The following GLT8D2 variants were observed in gnomAD, a reference collection of about 807,000 sequenced individuals.
The protein encoded by GLT8D2 is glycosyltransferase 8 domain-containing protein 2.
In GLT8D2, 45 loss-of-function variants were observed where a neutral mutation model predicts 44.5. That is an observed-to-expected ratio of 1.01 (90% CI 0.80 to 1.30). GLT8D2 has a LOEUF of 1.30. Among genes scored for constraint, GLT8D2 ranks in the 50% most tolerant of loss-of-function variants. The pLI, the probability that GLT8D2 is intolerant of heterozygous loss-of-function variation, is 0.00. For missense variants in GLT8D2, 400 were observed against 430.4 expected, an observed-to-expected ratio of 0.93 and a Z score of 0.62; for synonymous variants, 156 against 157.2, an observed-to-expected ratio of 0.99 and a Z score of 0.06.
chr12:104,022,816 T>G (rs1878087195), intron 1 of GLT8D2, among the ~76,000 whole-genome samples: 1 of 151,982 alleles, frequency 6.6e-6, no homozygotes, highest in African/African-American at 2.4e-5. Context: ...TGCATTATAT[T>G]TTGCTAAGCA....
intron 1 of GLT8D2, among the ~76,000 whole-genome samples, chr12:104,056,046 G>A (rs1318224707): frequency 1.3e-5 from 2 of 152,208 alleles, no homozygotes; most frequent in Non-Finnish European, 2.9e-5. Context: ...TCACACTTGA[G>A]TTCCCTCTCT....
At chr12:103,990,099 A>G (rs376933548) in intron 10 of GLT8D2, among the ~76,000 whole-genome samples, 1 of 8,536 alleles carries the variant, frequency 1.2e-4, no homozygotes, top group Non-Finnish European at 2.0e-4. Context: ...ATATATATAT[A>G]TATATATATA....
chr12:104,053,838 T>G (rs1009138747), upstream of GLT8D2, among the ~76,000 whole-genome samples: 18 of 151,468 alleles, frequency 1.2e-4, no homozygotes, highest in African/African-American at 4.4e-4. Context: ...GAGCTGAGAT[T>G]GCGCCACTGC....
At chr12:104,018,109 A>G (rs1877125729) in intron 3 of GLT8D2, among the ~76,000 whole-genome samples, 1 of 152,008 alleles carries the variant, frequency 6.6e-6, no homozygotes, top group African/African-American at 2.4e-5. Context: ...AGCTGGGACT[A>G]TAGACACATA....
At chr12:103,993,768 A>AC (rs1464591098) in intron 9 of GLT8D2, 1 of 338,472 alleles carries the variant, frequency 3.0e-6, no homozygotes, top group East Asian at 5.3e-5. Context: ...AATAGTAGAC[A>AC]CAGGAGATCA....
intron 1 of GLT8D2, among the ~76,000 whole-genome samples, chr12:104,046,974 A>G (rs972936696): frequency 6.6e-6 from 1 of 152,016 alleles, no homozygotes; most frequent in African/African-American, 2.4e-5. Context: ...ATAGGCATGC[A>G]CCACCACCAC....
chr12:103,990,035 C>A (rs1370964136), intron 10 of GLT8D2, among the ~76,000 whole-genome samples: 2 of 146,780 alleles, frequency 1.4e-5, no homozygotes, highest in Admixed American at 1.4e-4. Flanking sequence ...AGCATAAACA[C>A]AGCAATGAGC....
At chr12:104,043,209 C>T (rs554727133) in intron 1 of GLT8D2, among the ~76,000 whole-genome samples, 1 of 152,224 alleles carries the variant, frequency 6.6e-6, no homozygotes, top group South Asian at 2.1e-4. Flanking sequence ...AACACCTTAG[C>T]GATTTCTTCT....
chr12:103,997,343 G>A lies in GLT8D2; in HGVS notation c.487+108C>T, dbSNP rs970329694. ...AATACTGTACTCACAACTTAAATAA[G>A]CAGTCAAAACTTGCTGCACAATTAG... On this transcript the variant is annotated intron_variant, in intron 7 of 10. Transcript: ENST00000360814. 3 of 807,102 alleles carry A rather than the reference G, an allele frequency of 3.7e-6. No homozygotes were observed. The African/African-American group carries it at 5.1e-5, about 14-fold the overall frequency. 50.0% of individuals were successfully genotyped at this position (807,102 alleles called of 1,614,324 possible). A position where few individuals can be genotyped will look rare whatever the true frequency, so the allele number is the denominator to read the frequency against.
At chr12:104,044,690 C>T (rs1003192872) in intron 1 of GLT8D2, among the ~76,000 whole-genome samples, 1 of 152,258 alleles carries the variant, frequency 6.6e-6, no homozygotes, top group Non-Finnish European at 1.5e-5. Flanking sequence ...CTGTACACTG[C>T]CCTTCCTCAA....
chr12:104,039,130 A>T (rs968594305), intron 1 of GLT8D2, among the ~76,000 whole-genome samples: 1 of 152,226 alleles, frequency 6.6e-6, no homozygotes, highest in East Asian at 1.9e-4. Flanking sequence ...CTTACACCTT[A>T]TACAAAAATT....
rs537387258 is a variant in GLT8D2 at position 103,999,266 on chromosome 12, G to A, written c.402+131C>T. 2.1e-5 allele frequency: 13 copies of A among 608,930 alleles called. No homozygotes were observed. In the East Asian group the frequency reaches 2.3e-4, roughly 11 times the overall value. 37.7% of individuals were successfully genotyped at this position (608,930 alleles called of 1,614,324 possible). A position where few individuals can be genotyped will look rare whatever the true frequency, so the allele number is the denominator to read the frequency against. ...CTGGCTTATAAATTATACATAAGCG[G>A]AGTTTGGTGGAGATCAACTCCACAT... On this transcript the variant is annotated intron_variant, in intron 6 of 10. Transcript: ENST00000360814.
At position 104,022,048 on chromosome 12, in the gene GLT8D2, AAGAAGAAGG is replaced by A. The variant is rs1877947690; in HGVS notation, c.-163-566_-163-558del. On this transcript the variant is annotated intron_variant, in intron 1 of 10. Transcript: ENST00000360814. ...AAAGAAGAAGAAGAAGAAGAAGAAG[AAGAAGAAGG>A]GAAAGAAAGAAAGAAAGAAAAAAAA... 4.6e-5 allele frequency among the ~76,000 whole-genome samples: 6 copies of A among 131,426 alleles called. 1 individual carries two copies. The highest frequency in any genetic ancestry group is 1.0e-4 in the African/African-American group (3 of 28,588). 86.2% of individuals were successfully genotyped at this position (131,426 alleles called of 152,430 possible). A position where few individuals can be genotyped will look rare whatever the true frequency, so the allele number is the denominator to read the frequency against.
At chr12:104,014,433 T>C in intron 4 of GLT8D2, 1 of 598,124 alleles carries the variant, frequency 1.7e-6, no homozygotes. Flanking sequence ...GTGTGTGCAT[T>C]GGAGTTTTGA....
intron 6 of GLT8D2, among the ~76,000 whole-genome samples, chr12:103,998,231 CTT>C (rs34268360): frequency 3.5e-5 from 5 of 143,374 alleles, no homozygotes; most frequent in Admixed American, 1.4e-4. Flanking sequence ...AAACACCACT[CTT>C]TTTTTTTTTT....
intron 1 of GLT8D2, chr12:104,030,694 A>G: frequency 6.2e-7 from 1 of 1,601,000 alleles, no homozygotes; most frequent in Non-Finnish European, 8.5e-7. Flanking sequence ...TCAATAGCAA[A>G]AAAACAAATA....
intron 10 of GLT8D2, among the ~76,000 whole-genome samples, chr12:103,992,529 G>T (rs1293554891): frequency 7.2e-6 from 1 of 138,538 alleles, no homozygotes; most frequent in Non-Finnish European, 1.5e-5. Flanking sequence ...TTTCGGTCCT[G>T]TCGCCCAGGC....
chr12:104,043,840 C>G (rs1452007741), intron 1 of GLT8D2, among the ~76,000 whole-genome samples: 2 of 152,140 alleles, frequency 1.3e-5, no homozygotes, highest in Non-Finnish European at 2.9e-5. Flanking sequence ...GTTCCTTATT[C>G]CCATGTGCAC....
At chr12:104,033,682 G>T (rs1395534190) in intron 1 of GLT8D2, among the ~76,000 whole-genome samples, 1 of 152,146 alleles carries the variant, frequency 6.6e-6, no homozygotes, top group Non-Finnish European at 1.5e-5. Context: ...GCAACTACGT[G>T]AGGGTGATGG....
Sources: gnomAD v4.1 joint callset for allele counts (sites outside exome capture counted in the v4.1 genomes callset) on GRCh38, gnomAD v4.1.1 for gene constraint, MANE v1.5 for transcripts, NCBI Gene and HGNC (gene_info 2026-07-23, HGNC 2026-07-21) for gene names.